Variants in ANK1 observed in about 807,000 individuals in gnomAD.
ANK1 encodes ankyrin 1.
In ANK1, 51 loss-of-function variants were observed where a neutral mutation model predicts 210.4. That is an observed-to-expected ratio of 0.24 (90% confidence interval 0.19 to 0.31). ANK1 has a LOEUF of 0.31. Among genes scored for constraint, ANK1 ranks in the 10% least tolerant of loss-of-function variants. The pLI, the probability that ANK1 is intolerant of heterozygous loss-of-function variation, is 1.00. For missense variants in ANK1, 2,051 were observed against 2,504.4 expected, an observed-to-expected ratio of 0.82 and a Z score of 3.86; for synonymous variants, 967 against 1,025.9, an observed-to-expected ratio of 0.94 and a Z score of 1.10.
intron 24 of ANK1, among the ~76,000 whole-genome samples, chr8:41,696,976 C>A (rs1563466662): frequency 6.6e-6 from 1 of 152,196 alleles, no homozygotes; most frequent in African/African-American, 2.4e-5. Context: ...CACCTCCATG[C>A]CTCTCCTTGG....
Position 41,780,993 on chromosome 8 carries a change from T to C in ANK1, c.27+16519A>G, listed in dbSNP as rs755517437. ...TACAAAAAGAAATCAAGAGTGGTTC[T>C]GGCATTTAATTTCTAATCTCATCTC... On this transcript the variant is annotated intron_variant, in intron 1 of 42. Coordinates refer to ENST00000289734, the MANE Select transcript of ANK1 (RefSeq NM_000037.4). Among the ~76,000 whole-genome samples, 14 of 152,296 alleles carry C rather than the reference T, an allele frequency of 9.2e-5. No homozygotes were observed. The Middle Eastern group carries it at 0.014, about 148-fold the overall frequency.
intron 1 of ANK1, among the ~76,000 whole-genome samples, chr8:41,782,462 A>C (rs1463377671): frequency 6.6e-6 from 1 of 151,526 alleles, no homozygotes; most frequent in Non-Finnish European, 1.5e-5. Flanking sequence ...GAACCATTCC[A>C]CTCCCCAGTT....
Position 41,715,640 on chromosome 8 carries a change from G to C in ANK1, c.1602+12C>G, listed in dbSNP as rs371625411. 1 of 1,612,428 alleles carries C rather than the reference G, an allele frequency of 6.2e-7. No homozygotes were observed. The highest frequency in any genetic ancestry group is 8.5e-7 in the Non-Finnish European group (1 of 1,179,902). Reference sequence around the variant, plus strand: ...CTGTTGCTTCCTTAGACCACGAGGCGGGAGGCTGTACCTTGGTCATGCAGG... The same window carrying C: ...CTGTTGCTTCCTTAGACCACGAGGCCGGAGGCTGTACCTTGGTCATGCAGG... On this transcript the variant is annotated intron_variant, in intron 14 of 42. Transcript: ENST00000289734.
chr8:41,892,247 C>T (rs373196594), intron 1 of ANK1, among the ~76,000 whole-genome samples: 1 of 152,036 alleles, frequency 6.6e-6, no homozygotes, highest in South Asian at 2.1e-4. Context: ...CCCCCCCACC[C>T]CAAATCTCCC....
chr8:41,667,449 C>T (rs191267042), intron 39 of ANK1, among the ~76,000 whole-genome samples: 148 of 152,236 alleles, frequency 9.7e-4, no homozygotes, highest in Middle Eastern at 6.8e-3. Flanking sequence ...TTTATAAGAA[C>T]ACAAATGGAA....
intron 40 of ANK1, among the ~76,000 whole-genome samples, chr8:41,662,271 G>A (rs538508049): frequency 5.3e-5 from 8 of 151,652 alleles, no homozygotes; most frequent in Middle Eastern, 3.4e-3. Flanking sequence ...AAAAAAAGGC[G>A]GGGGGGCTGG....
At chr8:41,740,794 A>G (rs1037914813) in intron 2 of ANK1, among the ~76,000 whole-genome samples, 2 of 152,164 alleles carry the variant, frequency 1.3e-5, no homozygotes, top group East Asian at 3.9e-4. Context: ...TCTTTGCTCA[A>G]CCATGTCCCC....
At chr8:41,802,467 T>C (rs147893927), upstream of ANK1, among the ~76,000 whole-genome samples, 191 of 152,320 alleles carry the variant, frequency 1.3e-3, 2 homozygotes, top group African/African-American at 4.4e-3. Context: ...TCCACATGCA[T>C]GAGTCTGTTG....
chr8:41,712,693 G>A (rs1042317829), intron 16 of ANK1, among the ~76,000 whole-genome samples: 1 of 152,200 alleles, frequency 6.6e-6, no homozygotes. Context: ...GGAGGGTTTG[G>A]TTTGGGTGCA....
At chr8:41,827,560 GTTA>G (rs1805603263) in intron 1 of ANK1, among the ~76,000 whole-genome samples, 1 of 152,194 alleles carries the variant, frequency 6.6e-6, no homozygotes, top group African/African-American at 2.4e-5. Flanking sequence ...GTTAACTACA[GTTA>G]TTTTATAACA....
Position 41,668,387 on chromosome 8 carries a change from A to C in ANK1, c.5274T>G (p.Ser1758Arg). ...QEYEKVLVSV[S>R]EHTWTEQPEA... is the part of the protein sequence containing the mutation. ...CGGGCTGTTCTGTCCACGTGTGCTCACTTACAGACACCAGGACCTTCTCGT... is the reference window on the plus strand; with the variant it reads ...CGGGCTGTTCTGTCCACGTGTGCTCCCTTACAGACACCAGGACCTTCTCGT... Residue 1758 changes from serine (S) to arginine (R), a missense_variant, in exon 39 of 43, where the codon AGT becomes AGG. Around this residue, in one of 6 missense-constraint regions of ANK1, gnomAD observed 496 missense variants for 533.4 expected, o/e 0.93. Transcript: ENST00000289734. 6.2e-7 allele frequency: 1 copy of C among 1,614,152 alleles called. No individual in the cohort carries two copies. Among genetic ancestry groups the C allele is most frequent in the African/African-American group, 1.3e-5 (1 of 75,018 alleles).
At chr8:41,822,141 A>G (rs1804517289) in intron 1 of ANK1, among the ~76,000 whole-genome samples, 3 of 40,056 alleles carry the variant, frequency 7.5e-5, no homozygotes. Flanking sequence ...AGAGAAAGAA[A>G]GAAAGAAAGA....
intron 1 of ANK1, among the ~76,000 whole-genome samples, chr8:41,807,018 T>C (rs564962534): frequency 7.9e-5 from 12 of 152,340 alleles, no homozygotes; most frequent in Admixed American, 3.9e-4. Flanking sequence ...ATAATTAACA[T>C]TTATTAAAAT....
At chr8:41,888,765 A>ACC (rs1395116963) in intron 1 of ANK1, among the ~76,000 whole-genome samples, 1 of 151,952 alleles carries the variant, frequency 6.6e-6, no homozygotes, top group Non-Finnish European at 1.5e-5. Flanking sequence ...CAAAGCAGAA[A>ACC]CCCCAGGACT....
At chr8:41,800,180 C>T (rs1364535688), upstream of ANK1, among the ~76,000 whole-genome samples, 2 of 152,162 alleles carry the variant, frequency 1.3e-5, no homozygotes, top group Non-Finnish European at 2.9e-5. Context: ...TCCCCCAAAC[C>T]CCTTCACAAG....
chr8:41,661,196 C>A, intron 42 of ANK1: 8 of 579,576 alleles, frequency 1.4e-5, no homozygotes, highest in Middle Eastern at 1.0e-3. Context: ...TCTTACAAAA[C>A]CGTGCGGTCC....
chr8:41,783,210 A>G (rs548135596), intron 1 of ANK1, among the ~76,000 whole-genome samples: 2 of 152,328 alleles, frequency 1.3e-5, no homozygotes, highest in African/African-American at 4.8e-5. Flanking sequence ...TCATTGAAGG[A>G]GATCGTTTCG....
chr8:41,856,764 TC>T (rs201677180), intron 1 of ANK1, among the ~76,000 whole-genome samples: 1 of 148,670 alleles, frequency 6.7e-6, no homozygotes, highest in African/African-American at 2.5e-5. Flanking sequence ...TATTCCAAAA[TC>T]CAAAAAAAAA....
At chr8:41,693,061 G>A (rs371614865) in intron 30 of ANK1, 44 bp downstream of exon 30, 9 of 1,557,624 alleles carry the variant, frequency 5.8e-6, no homozygotes, top group Non-Finnish European at 8.0e-6. Context: ...CATAGAGCCT[G>A]AGGACGGCCC....
Sources: allele counts gnomAD v4.1 joint callset (sites outside exome capture counted in the v4.1 genomes callset), GRCh38; gene constraint gnomAD v4.1.1; regional missense constraint gnomAD v4.1.1; transcripts MANE v1.5; gene names NCBI Gene and HGNC (gene_info 2026-07-23, HGNC 2026-07-21).